The following ANK3 variants were observed in gnomAD, a reference collection of about 807,000 sequenced individuals.
ANK3 encodes the protein ankyrin 3.
ANK3 carries 57 observed loss-of-function variants against 370.9 expected under a neutral mutation model. The ratio of observed to expected loss-of-function variants is 0.15; its 90% CI spans 0.12 to 0.19. The LOEUF (loss-of-function observed/expected upper bound fraction) is 0.19. Among genes scored for constraint, ANK3 ranks in the 10% least tolerant of loss-of-function variants. ANK3 has a pLI of 1.00. For synonymous variants in ANK3, 1,929 were observed against 1,946.3 expected (o/e 0.99, Z 0.23); for missense variants, 4,439 against 5,302.1 (o/e 0.84, Z 5.06).
At chr10:60,523,295 T>C (rs1406876911) in intron 2 of ANK3, among the ~76,000 whole-genome samples, 1 of 152,008 alleles carries the variant, frequency 6.6e-6, no homozygotes, top group East Asian at 1.9e-4. Flanking sequence ...AATGTGCAGG[T>C]TAGTTACATA....
chr10:60,035,918 A>AT (rs1391221340), intron 43 of ANK3, among the ~76,000 whole-genome samples: 1 of 151,962 alleles, frequency 6.6e-6, no homozygotes, highest in Non-Finnish European at 1.5e-5. Flanking sequence ...TAATATAAAA[A>AT]CATATTTACT....
intron 25 of ANK3, among the ~76,000 whole-genome samples, chr10:60,127,950 G>T (rs753096432): frequency 2.6e-5 from 4 of 152,042 alleles, no homozygotes; most frequent in Non-Finnish European, 5.9e-5. Flanking sequence ...GCCCACCTTG[G>T]CCTCCCAAAG....
At chr10:60,560,467 G>C (rs1030123183) in intron 2 of ANK3, among the ~76,000 whole-genome samples, 3 of 152,248 alleles carry the variant, frequency 2.0e-5, no homozygotes, top group East Asian at 3.9e-4. Flanking sequence ...CTGGAATCTA[G>C]AGCATATTGC....
At chr10:60,268,332 A>G (rs1473824387) in intron 5 of ANK3, among the ~76,000 whole-genome samples, 2 of 152,242 alleles carry the variant, frequency 1.3e-5, no homozygotes, top group Admixed American at 6.5e-5. Context: ...ACTGATGGGT[A>G]CAAAGGCTCC....
chr10:60,420,635 G>A (rs2063759022), intron 2 of ANK3, among the ~76,000 whole-genome samples: 1 of 152,002 alleles, frequency 6.6e-6, no homozygotes, highest in African/African-American at 2.4e-5. Flanking sequence ...GAATTAGTCT[G>A]TGTCAAAATG....
chr10:60,312,625 C>G (rs1402328391), intron 1 of ANK3, among the ~76,000 whole-genome samples: 5 of 152,084 alleles, frequency 3.3e-5, no homozygotes, highest in Non-Finnish European at 7.3e-5. Context: ...GATAATGAAC[C>G]CATACAGGAA....
Position 60,084,597 on chromosome 10 carries a change from G to A in ANK3, c.4074+5C>T. ...GAAATGAACTTGTTTTTGTGAACAA[G>A]GTACCTCAATATCTTTGCTTCTTGC... On this transcript the variant is annotated splice_donor_5th_base_variant and intron_variant, in intron 32 of 43. Coordinates refer to ENST00000280772, the MANE Select transcript of ANK3 (RefSeq NM_020987.5). 2 of 1,611,742 alleles carry A rather than the reference G, an allele frequency of 1.2e-6. No individual in the cohort carries two copies. Among genetic ancestry groups the A allele is most frequent in the Non-Finnish European group, 1.7e-6 (2 of 1,178,350 alleles).
At chr10:60,166,465 CAAAT>C (rs2095626613) in intron 23 of ANK3, 122 bp downstream of exon 23, 2 of 729,260 alleles carry the variant, frequency 2.7e-6, no homozygotes, top group South Asian at 1.9e-5. Flanking sequence ...AAATAATACA[CAAAT>C]TAATAATCTC....
intron 2 of ANK3, among the ~76,000 whole-genome samples, chr10:60,613,261 G>A (rs1014839155): frequency 3.0e-4 from 46 of 152,114 alleles, no homozygotes; most frequent in Non-Finnish European, 8.8e-5. Context: ...AGGAATGGGA[G>A]AAATTGGGAG....
intron 1 of ANK3, among the ~76,000 whole-genome samples, chr10:60,687,632 C>T (rs1195918136): frequency 1.3e-5 from 2 of 151,930 alleles, no homozygotes; most frequent in African/African-American, 4.8e-5. Flanking sequence ...AATAGCACAA[C>T]GGCTATGGAA....
At chr10:60,621,510 T>A (rs1245637647) in intron 1 of ANK3, among the ~76,000 whole-genome samples, 1 of 152,190 alleles carries the variant, frequency 6.6e-6, no homozygotes, top group African/African-American at 2.4e-5. Flanking sequence ...AATTTGTCAC[T>A]ATCACATCAA....
chr10:60,467,283 G>A (rs774893668), intron 2 of ANK3, among the ~76,000 whole-genome samples: 5 of 152,086 alleles, frequency 3.3e-5, no homozygotes, highest in African/African-American at 1.2e-4. Flanking sequence ...ACATTTTCAC[G>A]TAGCCACTGC....
At chr10:60,492,706 CAA>C (rs764367710) in intron 2 of ANK3, among the ~76,000 whole-genome samples, 72 of 57,472 alleles carry the variant, frequency 1.3e-3, no homozygotes, top group East Asian at 1.7e-3. Flanking sequence ...GACTCTGTCT[CAA>C]AAAAAAAAAA....
chr10:60,283,307 G>T (rs905072288), intron 1 of ANK3, among the ~76,000 whole-genome samples: 2 of 65,850 alleles, frequency 3.0e-5, no homozygotes, highest in African/African-American at 1.1e-4. Context: ...GAATAACTAG[G>T]AGTTACTCAA....
chr10:60,266,965 A>G lies in ANK3; in HGVS notation c.514-2945T>C, dbSNP rs375734403. ...ATATACTGTGTGCTTCAGAATCGTA[A>G]TTAGCAAAAGGAAGATTATATATAG... On this transcript the variant is annotated intron_variant, in intron 5 of 43. Coordinates refer to ENST00000280772, the MANE Select transcript of ANK3 (RefSeq NM_020987.5). Among the ~76,000 whole-genome samples, 8 of 152,320 alleles carry G rather than the reference A, an allele frequency of 5.3e-5. No homozygotes were observed. In the East Asian group the frequency reaches 1.2e-3, roughly 22 times the overall value.
Position 60,166,628 on chromosome 10 carries a change from C to T in ANK3, c.2577G>A (p.Met859Ile). ...DEVRKANAPE[M>I]LSDGEYISDV... ...CTGAGATATATTCGCCATCACTGAGCATTTCAGGGGCATTGGCTTTACGAA... is the reference window on the plus strand; with the variant it reads ...CTGAGATATATTCGCCATCACTGAGTATTTCAGGGGCATTGGCTTTACGAA... The change falls in exon 23 of 44, where the codon ATG becomes ATA. Residue 859 changes from methionine (M) to isoleucine (I), a missense_variant. Coordinates refer to ENST00000280772, the MANE Select transcript of ANK3 (RefSeq NM_020987.5). The T allele has an allele frequency of 3.1e-6, 5 of 1,613,794 alleles. No homozygotes were observed. The South Asian group carries it at 5.5e-5, about 18-fold the overall frequency.
chr10:60,590,960 T>G (rs2077901636), intron 2 of ANK3, among the ~76,000 whole-genome samples: 1 of 152,192 alleles, frequency 6.6e-6, no homozygotes, highest in African/African-American at 2.4e-5. Flanking sequence ...GAGGGCCAAC[T>G]GTAGTTAATG....
intron 2 of ANK3, among the ~76,000 whole-genome samples, chr10:60,592,863 T>C (rs943959530): frequency 1.3e-5 from 2 of 152,244 alleles, no homozygotes; most frequent in African/African-American, 4.8e-5. Context: ...TGGTAGGCTC[T>C]TTGAGCTGTT....
At chr10:60,111,770 C>A (rs1047747109) in intron 26 of ANK3, 1 of 455,668 alleles carries the variant, frequency 2.2e-6, no homozygotes, top group Non-Finnish European at 4.4e-6. Context: ...AGAATAGCTG[C>A]AAAATAATTT....
Sources: gnomAD v4.1 joint callset for allele counts (sites outside exome capture counted in the v4.1 genomes callset) on GRCh38, gnomAD v4.1.1 for gene constraint, MANE v1.5 for transcripts, NCBI Gene and HGNC (gene_info 2026-07-23, HGNC 2026-07-21) for gene names.